The following CHCHD6 variants were observed in gnomAD, a reference collection of about 807,000 sequenced individuals.
CHCHD6 encodes the protein coiled-coil-helix-coiled-coil-helix domain containing 6.
CHCHD6 carries 28 observed loss-of-function variants against 32.3 expected under a neutral mutation model. The ratio of observed to expected loss-of-function variants is 0.87; its 90% CI spans 0.64 to 1.19. The LOEUF is 1.19. CHCHD6 is among the 50% of genes most tolerant of loss of function. CHCHD6 has a pLI of 0.00. For synonymous variants in CHCHD6, 122 were observed against 117.5 expected, an observed-to-expected ratio of 1.04 and a Z score of -0.25; for missense variants, 333 against 307.0, an observed-to-expected ratio of 1.08 and a Z score of -0.63.
chr3:126,830,539 G>C (rs1388499555), intron 4 of CHCHD6, among the ~76,000 whole-genome samples: 1 of 152,188 alleles, frequency 6.6e-6, no homozygotes, highest in Non-Finnish European at 1.5e-5. Flanking sequence ...CTCGCCCCCT[G>C]CTCTACCAGT....
At chr3:126,890,127 T>A (rs939990689) in intron 5 of CHCHD6, among the ~76,000 whole-genome samples, 1 of 152,204 alleles carries the variant, frequency 6.6e-6, no homozygotes, top group Non-Finnish European at 1.5e-5. Flanking sequence ...TCCTAGGCCA[T>A]GTGCCAGCCG....
chr3:126,895,706 T>C (rs1559909079), intron 5 of CHCHD6, among the ~76,000 whole-genome samples: 4 of 152,236 alleles, frequency 2.6e-5, no homozygotes, highest in Admixed American at 2.6e-4. Context: ...GTGTGACTCC[T>C]GCTGGCCCCA....
intron 4 of CHCHD6, among the ~76,000 whole-genome samples, chr3:126,780,114 T>C (rs531052242): frequency 4.3e-4 from 65 of 152,344 alleles, no homozygotes; most frequent in South Asian, 3.3e-3. Flanking sequence ...AGTCTCAGTG[T>C]GATGCATCTG....
intron 4 of CHCHD6, among the ~76,000 whole-genome samples, chr3:126,744,658 C>T (rs1167363287): frequency 6.6e-6 from 1 of 152,118 alleles, no homozygotes; most frequent in African/African-American, 2.4e-5. Flanking sequence ...ATGGTAGCTT[C>T]GTGCCTCAGA....
At chr3:126,933,529 T>C (rs755599318) in intron 6 of CHCHD6, among the ~76,000 whole-genome samples, 5 of 152,118 alleles carry the variant, frequency 3.3e-5, no homozygotes, top group African/African-American at 4.8e-5. Flanking sequence ...AAGCTTACAA[T>C]TATGGAGGAA....
At chr3:126,869,429 A>G (rs971168019) in intron 5 of CHCHD6, among the ~76,000 whole-genome samples, 1 of 152,040 alleles carries the variant, frequency 6.6e-6, no homozygotes, top group Non-Finnish European at 1.5e-5. Context: ...TGGTACATCA[A>G]AAACATGTAC....
chr3:126,837,318 C>T (rs1205095251), intron 4 of CHCHD6, among the ~76,000 whole-genome samples: 1 of 152,122 alleles, frequency 6.6e-6, no homozygotes, highest in Non-Finnish European at 1.5e-5. Context: ...AATTCTAGCA[C>T]TTTAAGATGA....
intron 1 of CHCHD6, 145 bp from the exon 2 acceptor site, chr3:126,726,933 G>A (rs894854344): frequency 1.6e-6 from 1 of 628,620 alleles, no homozygotes; most frequent in Non-Finnish European, 2.8e-6. Context: ...CACCACGAGA[G>A]GAGTTTTAGT....
At chr3:126,767,289 T>A (rs1937414342) in intron 4 of CHCHD6, 2 of 1,191,546 alleles carry the variant, frequency 1.7e-6, no homozygotes, top group East Asian at 4.7e-5. Flanking sequence ...AGCTGCCCCA[T>A]CTTGTTCTCC....
At chr3:126,796,321 G>T (rs1938789324) in intron 4 of CHCHD6, among the ~76,000 whole-genome samples, 1 of 152,176 alleles carries the variant, frequency 6.6e-6, no homozygotes, top group Non-Finnish European at 1.5e-5. Context: ...CTGCACTCCA[G>T]CCTGAGCAAC....
intron 4 of CHCHD6, among the ~76,000 whole-genome samples, chr3:126,752,085 G>A (rs1936749838): frequency 2.0e-5 from 3 of 152,222 alleles, no homozygotes; most frequent in African/African-American, 7.2e-5. Context: ...TCTAGGACTA[G>A]CATTTTGAAA....
intron 4 of CHCHD6, among the ~76,000 whole-genome samples, chr3:126,801,745 G>A (rs1032002955): frequency 6.6e-5 from 10 of 152,264 alleles, no homozygotes; most frequent in Middle Eastern, 3.4e-3. Context: ...ATCTGAGAAC[G>A]GGCAGACTGC....
At chr3:126,906,578 G>A (rs555369539) in intron 5 of CHCHD6, among the ~76,000 whole-genome samples, 13 of 152,326 alleles carry the variant, frequency 8.5e-5, no homozygotes, top group Middle Eastern at 3.4e-3. Flanking sequence ...TACTTTTCTC[G>A]TTCACATGAT....
chr3:126,823,176 C>A (rs938284586), intron 4 of CHCHD6, among the ~76,000 whole-genome samples: 31 of 151,688 alleles, frequency 2.0e-4, no homozygotes, highest in African/African-American at 6.6e-4. Context: ...CTCGGCCTCA[C>A]AAACTGCTAG....
chr3:126,714,566 G>C (rs974288331), intron 1 of CHCHD6, among the ~76,000 whole-genome samples: 1 of 152,178 alleles, frequency 6.6e-6, no homozygotes, highest in African/African-American at 2.4e-5. Flanking sequence ...GTCGGGCATC[G>C]GGGTGTTGGC....
intron 6 of CHCHD6, among the ~76,000 whole-genome samples, chr3:126,938,280 G>A (rs2078511856): frequency 6.6e-6 from 1 of 152,198 alleles, no homozygotes; most frequent in African/African-American, 2.4e-5. Context: ...CAGCTGGAGG[G>A]AACAACAGCC....
At chr3:126,935,804 G>A (rs373721180) in intron 6 of CHCHD6, among the ~76,000 whole-genome samples, 1 of 152,204 alleles carries the variant, frequency 6.6e-6, no homozygotes, top group African/African-American at 2.4e-5. Flanking sequence ...CTACAAAAAG[G>A]TGATTATACA....
chr3:126,866,400 G>A lies in CHCHD6; in HGVS notation c.495+13670G>A, dbSNP rs73205608. Reference sequence around the variant, plus strand: ...ACTCTGCTGCAAAAGTGCCTGATGCGTTCTGAGTGTGTCACATGTACTAAT... The same window carrying A: ...ACTCTGCTGCAAAAGTGCCTGATGCATTCTGAGTGTGTCACATGTACTAAT... On this transcript the variant is annotated intron_variant, in intron 5 of 7. Transcript: ENST00000290913. Among the ~76,000 whole-genome samples the A allele has an allele frequency of 7.2e-3, 1,099 of 152,298 alleles. 7 individuals are homozygous for A. Among genetic ancestry groups the A allele is most frequent in the Non-Finnish European group, 0.012 (804 of 68,032 alleles).
chr3:126,788,693 T>A (rs908622039), intron 4 of CHCHD6, among the ~76,000 whole-genome samples: 2 of 152,160 alleles, frequency 1.3e-5, no homozygotes, highest in Non-Finnish European at 2.9e-5. Flanking sequence ...ATTTTTTTAT[T>A]GCATCTATTT....
Sources: allele counts gnomAD v4.1 joint callset (sites outside exome capture counted in the v4.1 genomes callset), GRCh38; gene constraint gnomAD v4.1.1; transcripts MANE v1.5; gene names NCBI Gene and HGNC (gene_info 2026-07-23, HGNC 2026-07-21).